ZFHX3: variants seen among roughly 807,000 people sequenced by gnomAD.
The protein encoded by ZFHX3 is zinc finger homeobox 3.
ZFHX3 carries 42 observed loss-of-function variants against 279.1 expected under a neutral mutation model. The ratio of observed to expected loss-of-function variants is 0.15; its 90% confidence interval spans 0.12 to 0.19. The LOEUF (loss-of-function observed/expected upper bound fraction) is 0.19. ZFHX3 is among the 10% of genes least tolerant of loss of function. The pLI is 1.00. For missense variants in ZFHX3, 4,981 were observed against 4,754.0 expected (o/e 1.05, Z -1.40); for synonymous variants, 2,293 against 1,957.8 (o/e 1.17, Z -4.52).
intron 1 of ZFHX3, among the ~76,000 whole-genome samples, chr16:72,977,056 A>G (rs1962381488): frequency 6.6e-6 from 1 of 152,140 alleles, no homozygotes. Flanking sequence ...AAATTGCAGA[A>G]CCACTGAACC....
chr16:73,130,751 G>T (rs1291478790), intron 7 of ZFHX3, among the ~76,000 whole-genome samples: 2 of 152,150 alleles, frequency 1.3e-5, no homozygotes, highest in African/African-American at 4.8e-5. Context: ...GGGATTACAG[G>T]CACCTGCCAC....
chr16:72,995,692 C>T (rs540707404), intron 1 of ZFHX3, among the ~76,000 whole-genome samples: 9 of 152,286 alleles, frequency 5.9e-5, no homozygotes, highest in East Asian at 1.9e-4. Context: ...CCACAAACCC[C>T]GCGCTGGGTC....
intron 2 of ZFHX3, among the ~76,000 whole-genome samples, chr16:72,953,737 C>T (rs893559698): frequency 4.6e-5 from 7 of 152,138 alleles, no homozygotes; most frequent in Admixed American, 1.3e-4. Flanking sequence ...CACCCCACTA[C>T]GTCTGGCTGA....
intron 1 of ZFHX3, among the ~76,000 whole-genome samples, chr16:73,853,936 T>A (rs932430592): frequency 6.6e-6 from 1 of 152,224 alleles, no homozygotes; most frequent in Admixed American, 6.5e-5. Flanking sequence ...CACTTGGTCA[T>A]TCATCTCGAT....
chr16:73,428,350 G>A (rs1386052553), intron 3 of ZFHX3, among the ~76,000 whole-genome samples: 1 of 152,152 alleles, frequency 6.6e-6, no homozygotes, highest in South Asian at 2.1e-4. Context: ...TAATTAAGAA[G>A]AGTGAGCTTC....
chr16:72,954,505 G>A (rs981870319), intron 2 of ZFHX3, among the ~76,000 whole-genome samples: 1 of 152,168 alleles, frequency 6.6e-6, no homozygotes, highest in Non-Finnish European at 1.5e-5. Context: ...TGACACGTGA[G>A]CCCACCCATC....
At chr16:73,829,681 GC>G (rs1419014041) in intron 1 of ZFHX3, among the ~76,000 whole-genome samples, 2 of 3,926 alleles carry the variant, frequency 5.1e-4, no homozygotes, top group African/African-American at 1.3e-3. Flanking sequence ...GTGTCAGTGT[GC>G]CCCTGCTGGG....
intron 2 of ZFHX3, among the ~76,000 whole-genome samples, chr16:73,498,237 A>G (rs1336388714): frequency 7.9e-5 from 12 of 152,240 alleles, no homozygotes; most frequent in Non-Finnish European, 1.2e-4. Flanking sequence ...TAAAATATGC[A>G]AAATATTTGC....
intron 5 of ZFHX3, among the ~76,000 whole-genome samples, chr16:73,229,964 G>T (rs2012721470): frequency 6.6e-6 from 1 of 152,036 alleles, no homozygotes; most frequent in Non-Finnish European, 1.5e-5. Context: ...ATGATTGAGT[G>T]GATAGATACA....
rs565303905 is a variant in ZFHX3, at chr16:73,416,134, A to C, written c.-1291+39869T>G. ...CAAGACTCCATCTCAAAAAAAAAAA[A>C]AAAACAAAAAACGGAAAACAAACAA... On this transcript the variant is annotated intron_variant, in intron 3 of 17. Transcript: ENST00000641206. Among the ~76,000 whole-genome samples, 604 of 151,464 alleles carry C rather than the reference A, an allele frequency of 4.0e-3. 11 individuals are homozygous for C. Among genetic ancestry groups the C allele is most frequent in the African/African-American group, 0.013 (528 of 41,108 alleles).
At position 72,798,251 on chromosome 16, in the gene ZFHX3, T is replaced by C. The variant is rs954612402; in HGVS notation, c.4431A>G (p.Gly1477=). The change falls in exon 9 of 10, where the codon GGA becomes GGG. Residue 1477 remains glycine, a synonymous_variant. Coordinates refer to ENST00000268489, the MANE Select transcript of ZFHX3 (RefSeq NM_006885.4). Reference sequence around the variant, plus strand: ...TATGGTCCTCTGCCAGAGTGGGGTCTCCCATTGCCAGGAGGTCCCCATTGG... The same window carrying C: ...TATGGTCCTCTGCCAGAGTGGGGTCCCCCATTGCCAGGAGGTCCCCATTGG... ...LLANGDLLAM[G]DPTLAEDHTI... 2.5e-6 allele frequency: 4 copies of C among 1,614,052 alleles called. No individual in the cohort carries two copies. The highest frequency in any genetic ancestry group is 3.4e-6 in the Non-Finnish European group (4 of 1,180,054).
At chr16:73,263,197 T>G (rs1273080118) in intron 4 of ZFHX3, among the ~76,000 whole-genome samples, 1 of 152,058 alleles carries the variant, frequency 6.6e-6, no homozygotes, top group Non-Finnish European at 1.5e-5. Context: ...GAAGTCCTTT[T>G]TTTTTTTTTT....
chr16:73,750,097 C>G (rs540864992), intron 1 of ZFHX3, among the ~76,000 whole-genome samples: 1 of 152,252 alleles, frequency 6.6e-6, no homozygotes, highest in East Asian at 1.9e-4. Context: ...TGCACCTTAC[C>G]TCTGAGATGG....
Position 72,950,931 on chromosome 16 carries a change from C to T in ZFHX3, c.2754G>A (p.Gly918=), listed in dbSNP as rs1441259908. Residue 918 remains glycine, a synonymous_variant, in exon 3 of 10, where the codon GGG becomes GGA. Transcript: ENST00000268489. ...GGEIPLDMRL[G]GGQLVSEELM... ...GCTCCTCTGACACCAGCTGCCCGCC[C>T]CCGAGCCGCATGTCTAGGGGGATCT... The T allele has an allele frequency of 6.2e-7, 1 of 1,613,870 alleles. No individual in the cohort carries two copies. Among genetic ancestry groups the T allele is most frequent in the Admixed American group, 1.7e-5 (1 of 60,000 alleles).
chr16:72,947,207 G>C (rs542887896), intron 3 of ZFHX3, among the ~76,000 whole-genome samples: 1 of 152,170 alleles, frequency 6.6e-6, no homozygotes, highest in Non-Finnish European at 1.5e-5. Context: ...CGGGCCCTGC[G>C]GCATTCCCCT....
intron 5 of ZFHX3, among the ~76,000 whole-genome samples, chr16:73,242,713 T>C (rs970455849): frequency 2.0e-5 from 3 of 152,200 alleles, no homozygotes. Context: ...GATCATGCAA[T>C]AACGAGACAA....
At chr16:72,998,691 C>G (rs1186020961) in intron 1 of ZFHX3, among the ~76,000 whole-genome samples, 1 of 152,218 alleles carries the variant, frequency 6.6e-6, no homozygotes, top group African/African-American at 2.4e-5. Flanking sequence ...TAACTCTGAT[C>G]TGGCCCCACT....
Position 73,250,779 on chromosome 16 carries a change from C to T in ZFHX3, c.-1104+6268G>A, listed in dbSNP as rs560147866. On this transcript the variant is annotated intron_variant, in intron 5 of 17. Coordinates refer to the ZFHX3 transcript ENST00000641206. ...TCCATCTCCTGACCTCATGATCCGC[C>T]CGCCTCAGGCTCCCAAAGTGCTGGG... Among the ~76,000 whole-genome samples the T allele has an allele frequency of 2.6e-4, 40 of 152,290 alleles. 1 individual carries two copies. The highest frequency in any genetic ancestry group is 7.5e-4 in the African/African-American group (31 of 41,554).
chr16:73,772,708 C>T (rs866733709), intron 1 of ZFHX3, among the ~76,000 whole-genome samples: 1 of 152,202 alleles, frequency 6.6e-6, no homozygotes, highest in South Asian at 2.1e-4. Context: ...CCTGCAGCTC[C>T]TGTCTCTCAA....
Sources: allele counts gnomAD v4.1 joint callset (sites outside exome capture counted in the v4.1 genomes callset), GRCh38; gene constraint gnomAD v4.1.1; transcripts MANE v1.5; gene names NCBI Gene and HGNC (gene_info 2026-07-23, HGNC 2026-07-21).